RFX6: variants seen among roughly 807,000 people sequenced by gnomAD.
The protein encoded by RFX6 is DNA-binding protein RFX6.
Under a neutral mutation model 110.8 loss-of-function variants are expected in RFX6, and 50 were observed. That is an observed-to-expected ratio of 0.45 (90% CI 0.36 to 0.57). The LOEUF (loss-of-function observed/expected upper bound fraction) is 0.57. RFX6 is among the 20% of genes least tolerant of loss of function. The probability of loss-of-function intolerance (pLI) is 0.00; values close to 1 mark genes in which losing one functional copy is unlikely to be tolerated. For synonymous variants in RFX6, 383 were observed against 411.2 expected (o/e 0.93, Z 0.83); for missense variants, 990 against 1,127.0 (o/e 0.88, Z 1.74).
chr6:116,912,242 A>G (rs1775367606), intron 7 of RFX6, among the ~76,000 whole-genome samples: 1 of 152,154 alleles, frequency 6.6e-6, no homozygotes, highest in Non-Finnish European at 1.5e-5. Flanking sequence ...TACGCTCAGT[A>G]TCTGGGTAAT....
Position 116,928,858 on chromosome 6 carries a change from C to G in RFX6, c.2498C>G (p.Pro833Arg). The change falls in exon 18 of 19, where the codon CCC (proline) becomes CGC (arginine). Residue 833 changes from proline to arginine, a missense_variant. Pro to Arg is a moderately radical substitution (Grantham distance 103). This residue lies in a region of RFX6 where 438 missense variants were observed against 441.9 expected (regional missense o/e 0.99). Transcript: ENST00000332958. Reference sequence around the variant, plus strand: ...ATCAGCAGCATTCGTTCACTGCCCCCCTACAGTGACATCCACGATCCACTT... The same window carrying G: ...ATCAGCAGCATTCGTTCACTGCCCCGCTACAGTGACATCCACGATCCACTT... ...SVISSIRSLP[P>R]YSDIHDPLNI... The G allele has an allele frequency of 2.5e-6, 4 of 1,612,580 alleles. No homozygotes were observed. The highest frequency in any genetic ancestry group is 1.7e-5 in the Admixed American group (1 of 60,014).
intron 4 of RFX6, among the ~76,000 whole-genome samples, chr6:116,890,766 T>C (rs1354587184): frequency 6.6e-6 from 1 of 152,286 alleles, no homozygotes; most frequent in Middle Eastern, 3.4e-3. Flanking sequence ...AATACATACA[T>C]TAATTAAAAA....
At chr6:116,891,526 A>G (rs339334) in intron 4 of RFX6, among the ~76,000 whole-genome samples, 44,152 of 152,146 alleles carry the variant, frequency 0.29, 6,587 homozygotes, top group South Asian at 0.38. Context: ...TTGCAAAAAG[A>G]ACATGAAATT....
intron 4 of RFX6, among the ~76,000 whole-genome samples, chr6:116,884,209 A>G (rs1299285566): frequency 6.6e-6 from 1 of 152,020 alleles, no homozygotes; most frequent in African/African-American, 2.4e-5. Flanking sequence ...ATCTTTTTTT[A>G]GTCCATTGAT....
At chr6:116,926,813 A>G (rs1171287910) in intron 16 of RFX6, among the ~76,000 whole-genome samples, 3 of 152,146 alleles carry the variant, frequency 2.0e-5, no homozygotes, top group African/African-American at 7.2e-5. Flanking sequence ...TAGTCACCAA[A>G]TCCACGTCTC....
Position 116,929,082 on chromosome 6 carries a change from G to A in RFX6, c.2611+111G>A, listed in dbSNP as rs571923930. On this transcript the variant is annotated intron_variant, in intron 18 of 18. Transcript: ENST00000332958. ...GTGAACTGAGCAAGCATGTTTCCAC[G>A]GTTGATTTATTACCTTGGATCTAAA... The A allele has an allele frequency of 5.0e-4, 384 of 773,352 alleles. 3 individuals are homozygous for A. The African/African-American group carries it at 5.5e-3, about 11-fold the overall frequency. 47.9% of individuals were successfully genotyped at this position (773,352 alleles called of 1,614,324 possible).
chr6:116,877,669 A>G (rs938794138), intron 1 of RFX6, 127 bp from the exon 2 acceptor site: 1 of 1,077,632 alleles, frequency 9.3e-7, no homozygotes, highest in East Asian at 2.6e-5. Context: ...CATTTTGCAT[A>G]GCCCCCCTTT....
intron 4 of RFX6, among the ~76,000 whole-genome samples, chr6:116,892,722 G>A (rs1335628548): frequency 1.3e-5 from 2 of 152,204 alleles, no homozygotes; most frequent in Non-Finnish European, 2.9e-5. Context: ...CATTATGGAG[G>A]TAACTTGTCA....
At position 116,919,315 on chromosome 6, in the gene RFX6, C is replaced by T. The variant is rs779140977; in HGVS notation, c.1182+19C>T. 17 of 1,607,092 alleles carry T rather than the reference C, an allele frequency of 1.1e-5. No individual in the cohort carries two copies. Among genetic ancestry groups the T allele is most frequent in the East Asian group, 8.9e-5 (4 of 44,804 alleles). ...TGCCCAGGTATGTTGGTTGCTAAGTCGAGAGCATTTGAGTCACCATATAAA... is the reference window on the plus strand; with the variant it reads ...TGCCCAGGTATGTTGGTTGCTAAGTTGAGAGCATTTGAGTCACCATATAAA... On this transcript the variant is annotated intron_variant, in intron 11 of 18. Transcript: ENST00000332958.
At chr6:116,890,326 G>T (rs1774800453) in intron 4 of RFX6, among the ~76,000 whole-genome samples, 2 of 152,088 alleles carry the variant, frequency 1.3e-5, no homozygotes, top group Non-Finnish European at 2.9e-5. Flanking sequence ...GCATGTAATA[G>T]ATGCTCAAAA....
chr6:116,900,045 AT>A (rs1775032374), intron 6 of RFX6, among the ~76,000 whole-genome samples: 3 of 152,214 alleles, frequency 2.0e-5, no homozygotes. Context: ...GGAGTACCAA[AT>A]AAACAAAAAT....
At chr6:116,915,602 T>A (rs1217559415) in intron 7 of RFX6, among the ~76,000 whole-genome samples, 1 of 152,136 alleles carries the variant, frequency 6.6e-6, no homozygotes, top group Non-Finnish European at 1.5e-5. Context: ...ATTTGATGTA[T>A]TTTACTACTT....
At chr6:116,913,624 T>C (rs1775403631) in intron 7 of RFX6, among the ~76,000 whole-genome samples, 1 of 152,218 alleles carries the variant, frequency 6.6e-6, no homozygotes, top group African/African-American at 2.4e-5. Context: ...TTCATTGCGC[T>C]AAGACTATGT....
At chr6:116,902,329 A>G (rs1023569684) in intron 6 of RFX6, among the ~76,000 whole-genome samples, 3 of 152,024 alleles carry the variant, frequency 2.0e-5, no homozygotes, top group African/African-American at 7.2e-5. Context: ...TATATCTTTT[A>G]AAAAGTTTTA....
chr6:116,913,382 C>G (rs552179130), intron 7 of RFX6, among the ~76,000 whole-genome samples: 1 of 152,046 alleles, frequency 6.6e-6, no homozygotes, highest in African/African-American at 2.4e-5. Context: ...TCTTTAAGGC[C>G]GAAAGAATGG....
chr6:116,903,931 A>C (rs1262246846), intron 6 of RFX6, among the ~76,000 whole-genome samples: 1 of 151,994 alleles, frequency 6.6e-6, no homozygotes, highest in African/African-American at 2.4e-5. Flanking sequence ...GTTGAATTCC[A>C]GGTCCCAAGA....
intron 3 of RFX6, among the ~76,000 whole-genome samples, chr6:116,881,650 G>A (rs1047929329): frequency 6.6e-6 from 1 of 151,956 alleles, no homozygotes; most frequent in African/African-American, 2.4e-5. Flanking sequence ...GTTTGGATAA[G>A]ACAACTTCTA....
At chr6:116,877,714 T>G in intron 1 of RFX6, 82 bp from the exon 2 acceptor site, 5 of 1,006,506 alleles carry the variant, frequency 5.0e-6, no homozygotes, top group Non-Finnish European at 5.9e-6. Flanking sequence ...AGGCTACTCC[T>G]TTGAAGTTAA....
chr6:116,924,325 A>G (rs1775663913), intron 14 of RFX6, among the ~76,000 whole-genome samples: 2 of 152,190 alleles, frequency 1.3e-5, no homozygotes, highest in South Asian at 2.1e-4. Context: ...ATTCTCCCCA[A>G]GTTGAAGCTT....
Sources: gnomAD v4.1 joint callset for allele counts (sites outside exome capture counted in the v4.1 genomes callset) on GRCh38, gnomAD v4.1.1 for gene constraint, gnomAD v4.1.1 regional missense constraint, MANE v1.5 for transcripts, NCBI Gene and HGNC (gene_info 2026-07-23, HGNC 2026-07-21) for gene names.